Variants in NUP205 observed in about 807,000 individuals in gnomAD.
NUP205 encodes the protein nuclear pore complex protein Nup205.
NUP205 carries 76 observed loss-of-function variants against 253.8 expected under a neutral mutation model. The ratio of observed to expected loss-of-function variants is 0.30; its 90% CI spans 0.25 to 0.36. The LOEUF is 0.36. Among genes scored for constraint, NUP205 ranks in the 10% least tolerant of loss-of-function variants. NUP205 has a pLI of 1.00. For synonymous variants in NUP205, 832 were observed against 850.1 expected (o/e 0.98, Z 0.37); for missense variants, 2,162 against 2,425.5 (o/e 0.89, Z 2.28).
At chr7:135,569,134 G>C (rs145300385) in intron 1 of NUP205, among the ~76,000 whole-genome samples, 4,113 of 152,250 alleles carry the variant, frequency 0.027, 85 homozygotes, top group Middle Eastern at 0.099. Context: ...GCAATGGCAC[G>C]ATCTCGGCTC....
chr7:135,606,118 T>A, intron 19 of NUP205, 27 bp from the exon 20 acceptor site: 1 of 1,450,122 alleles, frequency 6.9e-7, no homozygotes, highest in Non-Finnish European at 9.7e-7. Flanking sequence ...TAATAATTTG[T>A]CATTTTTTAC....
intron 1 of NUP205, among the ~76,000 whole-genome samples, chr7:135,569,938 C>T (rs1318545439): frequency 6.6e-6 from 1 of 151,084 alleles, no homozygotes. Context: ...TATTGAGTGC[C>T]TATGATATGA....
Position 135,594,646 on chromosome 7 carries a change from G to A in NUP205, c.1930G>A (p.Ala644Thr), listed in dbSNP as rs775934500. The A allele has an allele frequency of 6.2e-7, 1 of 1,613,900 alleles. No individual in the cohort carries two copies. The highest frequency in any genetic ancestry group is 1.7e-5 in the Admixed American group (1 of 60,004). The change falls in exon 13 of 43, where the codon GCT (alanine) becomes ACT (threonine). Residue 644 changes from alanine to threonine, a missense_variant. Ala to Thr is a moderately conservative substitution (Grantham distance 58). Coordinates refer to ENST00000285968, the MANE Select transcript of NUP205 (RefSeq NM_015135.3). Reference protein sequence around the residue: ...LQCSIPPVLKAELLKTLAAFG... With the variant: ...LQCSIPPVLKTELLKTLAAFG... The stretch of plus-strand genomic sequence containing the variant: ...ATGCAGTATTCCCCCTGTCCTAAAA[G>A]CTGAGCTACTGAAGACACTCGCAGC...
chr7:135,589,715 G>A (rs957831766), intron 10 of NUP205, among the ~76,000 whole-genome samples: 1 of 151,382 alleles, frequency 6.6e-6, no homozygotes, highest in Non-Finnish European at 1.5e-5. Flanking sequence ...CAGATTACTT[G>A]TGCTCAGGAG....
At chr7:135,601,210 A>T (rs1208714072) in intron 16 of NUP205, among the ~76,000 whole-genome samples, 160 bp from the exon 17 acceptor site, 1 of 152,068 alleles carries the variant, frequency 6.6e-6, no homozygotes, top group African/African-American at 2.4e-5. Flanking sequence ...CTTTGTGCAG[A>T]TTTGCCCTTA....
At position 135,576,974 on chromosome 7, in the gene NUP205, A is replaced by T. The variant is rs192906548; in HGVS notation, c.494A>T (p.Glu165Val). 1.9e-6 allele frequency: 3 copies of T among 1,612,364 alleles called. No individual in the cohort carries two copies. The highest frequency in any genetic ancestry group is 3.4e-5 in the Admixed American group (2 of 59,400). Residue 165 changes from glutamate to valine, a missense_variant, in exon 5 of 43, where the codon GAG (glutamate) becomes GTG (valine). Around this residue, in one of 5 missense-constraint regions of NUP205, gnomAD observed 892 missense variants for 957.1 expected, o/e 0.93. Coordinates refer to ENST00000285968, the MANE Select transcript of NUP205 (RefSeq NM_015135.3). The stretch of plus-strand genomic sequence containing the variant: ...TTGATTTCTTTTCATTACAGTCCAG[A>T]GCTGGCTTCCATGACAACACGCTTT... The part of the protein sequence containing the change: ...GKTWTLELSP[E>V]LASMTTRFTD...
intron 31 of NUP205, among the ~76,000 whole-genome samples, chr7:135,624,283 C>T (rs889212370): frequency 6.6e-6 from 1 of 151,644 alleles, no homozygotes; most frequent in African/African-American, 2.4e-5. Context: ...CTCACTGCAA[C>T]CTCTGCCTCC....
intron 34 of NUP205, among the ~76,000 whole-genome samples, chr7:135,629,323 A>C (rs1187670560): frequency 1.3e-5 from 2 of 151,790 alleles, no homozygotes; most frequent in African/African-American, 4.8e-5. Context: ...CAGGATTTAT[A>C]TCTCCTTTTT....
chr7:135,599,901 G>A (rs1297111904), intron 15 of NUP205, among the ~76,000 whole-genome samples: 1 of 152,088 alleles, frequency 6.6e-6, no homozygotes, highest in Non-Finnish European at 1.5e-5. Context: ...AGAGGCAATT[G>A]GTATGTTTAC....
In NUP205 at chr7:135,625,317, C is replaced by T. The variant is rs1794564362; in HGVS notation, c.4633C>T (p.Pro1545Ser). The change falls in exon 32 of 43, where the codon CCC (proline) becomes TCC (serine). Residue 1545 changes from proline (P) to serine (S), a missense_variant. Transcript: ENST00000285968. ...GCAGAGCTTACTCACCCCACAGCCTCCCCTTTTAAAAGCACTTTATACTTA... is the reference window on the plus strand; with the variant it reads ...GCAGAGCTTACTCACCCCACAGCCTTCCCTTTTAAAAGCACTTTATACTTA... ...TLQSLLTPQP[P>S]LLKALYTYES... 1.9e-6 allele frequency: 3 copies of T among 1,611,064 alleles called. No individual in the cohort carries two copies. Among genetic ancestry groups the T allele is most frequent in the South Asian group, 2.2e-5 (2 of 90,646 alleles).
chr7:135,607,259 G>A lies in NUP205; in HGVS notation c.3083G>A (p.Cys1028Tyr). ...TGGTTTCATGCAGGAGTGTTAGGTT[G>A]CCCTCGGACATGCCTTCACGCCATT... Reference protein sequence around the residue: ...TNLQDPGVLGCPRTCLHAILN... With the variant: ...TNLQDPGVLGYPRTCLHAILN... Residue 1028 changes from cysteine to tyrosine, a missense_variant, in exon 22 of 43, where the codon TGC becomes TAC. By Grantham distance (194) the Cys-to-Tyr change is radical (BLOSUM62 -2). Coordinates refer to ENST00000285968, the MANE Select transcript of NUP205 (RefSeq NM_015135.3). 1 of 1,613,920 alleles carries A rather than the reference G, an allele frequency of 6.2e-7. No homozygotes were observed. Among genetic ancestry groups the A allele is most frequent in the Non-Finnish European group, 8.5e-7 (1 of 1,179,918 alleles).
chr7:135,566,868 G>C (rs1805775729), intron 1 of NUP205, among the ~76,000 whole-genome samples: 1 of 151,810 alleles, frequency 6.6e-6, no homozygotes, highest in Non-Finnish European at 1.5e-5. Context: ...CTCCCGAGTA[G>C]CTGGGACTAC....
chr7:135,619,046 A>G (rs929246001), intron 28 of NUP205, among the ~76,000 whole-genome samples: 2 of 152,032 alleles, frequency 1.3e-5, no homozygotes, highest in Admixed American at 1.3e-4. Flanking sequence ...TTGTTACCAT[A>G]GTTGACAAGC....
chr7:135,558,099 CTGGG>C, intron 1 of NUP205, 127 bp downstream of exon 1: 1 of 822,370 alleles, frequency 1.2e-6, no homozygotes, highest in Non-Finnish European at 2.1e-6. Context: ...TTCCCTAATT[CTGGG>C]CCTAGAGTCC....
chr7:135,634,773 C>T (rs1584689550), intron 35 of NUP205, among the ~76,000 whole-genome samples: 1 of 152,046 alleles, frequency 6.6e-6, no homozygotes, highest in South Asian at 2.1e-4. Context: ...CCCACATGTA[C>T]CAGATGATAG....
chr7:135,601,491 C>G lies in NUP205; in HGVS notation c.2496C>G (p.Thr832=), dbSNP rs372218747. 6.2e-7 allele frequency: 1 copy of G among 1,613,400 alleles called. No individual in the cohort carries two copies. Among genetic ancestry groups the G allele is most frequent in the Non-Finnish European group, 8.5e-7 (1 of 1,179,734 alleles). The part of the protein sequence containing the change: ...LLEEGVKQLD[T]YAPFPGKKHL... ...AAGAAGGAGTTAAGCAGCTTGACAC[C>G]TATGCCCCCTTTCCTGGTATATGCT... The change falls in exon 17 of 43, where the codon ACC becomes ACG. Residue 832 remains threonine, a synonymous_variant. Transcript: ENST00000285968.
chr7:135,559,989 G>C (rs938020625), intron 1 of NUP205, among the ~76,000 whole-genome samples: 3 of 151,558 alleles, frequency 2.0e-5, no homozygotes, highest in Admixed American at 1.3e-4. Flanking sequence ...CTCCCGAGGG[G>C]CTGGGATTAC....
intron 22 of NUP205, among the ~76,000 whole-genome samples, chr7:135,611,875 G>A (rs1486801016): frequency 6.6e-6 from 1 of 152,180 alleles, no homozygotes; most frequent in East Asian, 1.9e-4. Flanking sequence ...AGCACTTTGG[G>A]AGGCTGAGGC....
In NUP205 at chr7:135,587,651, C is replaced by G. The variant is rs1217435671; in HGVS notation, c.1295C>G (p.Pro432Arg). The G allele has an allele frequency of 6.2e-7, 1 of 1,610,588 alleles. No individual in the cohort carries two copies. Among genetic ancestry groups the G allele is most frequent in the Non-Finnish European group, 8.5e-7 (1 of 1,178,306 alleles). ...HMSMQMGNEPPISLRRDLEHL... is the reference protein window; with the variant it reads ...HMSMQMGNEPRISLRRDLEHL... Reference sequence around the variant, plus strand: ...AGTATGCAGATGGGTAATGAACCCCCCATTTCACTTAGAAGGGACCTGGAA... The same window carrying G: ...AGTATGCAGATGGGTAATGAACCCCGCATTTCACTTAGAAGGGACCTGGAA... Residue 432 changes from proline (P) to arginine (R), a missense_variant, in exon 9 of 43, where the codon CCC becomes CGC. By Grantham distance (103) the Pro-to-Arg change is moderately radical. Transcript: ENST00000285968.
Sources: gnomAD v4.1 joint callset for allele counts (sites outside exome capture counted in the v4.1 genomes callset) on GRCh38, gnomAD v4.1.1 for gene constraint, gnomAD v4.1.1 regional missense constraint, MANE v1.5 for transcripts, NCBI Gene and HGNC (gene_info 2026-07-23, HGNC 2026-07-21) for gene names.